Variants in ARHGAP17 observed in about 807,000 individuals in gnomAD.
The protein encoded by ARHGAP17 is rho GTPase-activating protein 17.
In ARHGAP17, 57 loss-of-function variants were observed where a neutral mutation model predicts 99.5. The observed-to-expected ratio is 0.57, with a 90% confidence interval of 0.46 to 0.71. The LOEUF (loss-of-function observed/expected upper bound fraction) is 0.71, where lower values mean the gene tolerates loss of function less well. ARHGAP17 is among the 30% of genes least tolerant of loss of function. ARHGAP17 has a pLI of 0.00. For synonymous variants in ARHGAP17, 417 were observed against 429.6 expected (o/e 0.97, Z 0.36); for missense variants, 1,000 against 1,122.4 (o/e 0.89, Z 1.56).
At chr16:24,989,191 T>C (rs1348659211) in intron 1 of ARHGAP17, among the ~76,000 whole-genome samples, 1 of 152,194 alleles carries the variant, frequency 6.6e-6, no homozygotes, top group Non-Finnish European at 1.5e-5. Context: ...GACTCAGTGC[T>C]GTGACTGATG....
chr16:25,011,853 G>C (rs1255684163), intron 1 of ARHGAP17, among the ~76,000 whole-genome samples: 1 of 152,024 alleles, frequency 6.6e-6, no homozygotes, highest in Non-Finnish European at 1.5e-5. Context: ...ATCAATACAA[G>C]AGATATTTGA....
In ARHGAP17 at chr16:24,947,500, A is replaced by G; in HGVS notation, c.1223T>C (p.Leu408Ser). 6.2e-7 allele frequency: 1 copy of G among 1,613,608 alleles called. No homozygotes were observed. Among genetic ancestry groups the G allele is most frequent in the Middle Eastern group, 1.6e-4 (1 of 6,062 alleles). The change falls in exon 14 of 20, where the codon TTA becomes TCA. Residue 408 changes from leucine (L) to serine (S), a missense_variant. This residue lies in a region of ARHGAP17 where 472 missense variants were observed against 611.1 expected (regional missense o/e 0.77). Coordinates refer to ENST00000289968, the MANE Select transcript of ARHGAP17 (RefSeq NM_001006634.3). ...GACTTACCCTTCATTTCTGGCCCAT[A>G]ACAAGTTAGGGCCTAACACAATCGC... is the stretch of plus-strand genomic sequence containing the variant. ...NIAIVLGPNL[L>S]WARNEGTLAE...
At chr16:24,951,260 CTGCCAATTACT>C (rs1280344638) in intron 12 of ARHGAP17, among the ~76,000 whole-genome samples, 1 of 152,192 alleles carries the variant, frequency 6.6e-6, no homozygotes, top group Non-Finnish European at 1.5e-5. Flanking sequence ...AATTCTAGCT[CTGCCAATTACT>C]TGCTACTCTC....
rs2051934839 is a variant in ARHGAP17, at chr16:24,959,949, T to A, written c.604A>T (p.Met202Leu). 1 of 1,614,026 alleles carries A rather than the reference T, an allele frequency of 6.2e-7. No homozygotes were observed. Among genetic ancestry groups the A allele is most frequent in the Non-Finnish European group, 8.5e-7 (1 of 1,179,888 alleles). Reference protein sequence around the residue: ...DQLAADMYNFMAKEGEYGKFF... With the variant: ...DQLAADMYNFLAKEGEYGKFF... ...TTGCCATACTCCCCTTCTTTGGCCA[T>A]AAAGTTGTACATGTCTGCTGCAAGT... Residue 202 changes from methionine to leucine, a missense_variant, in exon 8 of 20, where the codon ATG becomes TTG. Physicochemically the swap from Met to Leu is conservative, Grantham distance 15. This residue lies in a region of ARHGAP17 where 472 missense variants were observed against 611.1 expected (regional missense o/e 0.77). Transcript: ENST00000289968.
chr16:24,940,156 T>C (rs1448020977), intron 16 of ARHGAP17, among the ~76,000 whole-genome samples: 1 of 152,182 alleles, frequency 6.6e-6, no homozygotes, highest in Non-Finnish European at 1.5e-5. Flanking sequence ...ACTCCTGGCC[T>C]CAAGTATTCC....
In ARHGAP17 at chr16:24,954,681, C is replaced by G; in HGVS notation, c.774G>C (p.Leu258=). Residue 258 remains leucine (L), a synonymous_variant, in exon 10 of 20, where the codon CTG becomes CTC. Coordinates refer to ENST00000289968, the MANE Select transcript of ARHGAP17 (RefSeq NM_001006634.3). ...PAFGTPLEEH[L]KRSGREIALP... is the part of the protein sequence containing the mutation. ...GCGCAATCTCGCGCCCGCTCCTCTT[C>G]AGGTGTTCTTCTAGGGGAGTCCCAA... 6.2e-7 allele frequency: 1 copy of G among 1,614,128 alleles called. No homozygotes were observed. Among genetic ancestry groups the G allele is most frequent in the Non-Finnish European group, 8.5e-7 (1 of 1,179,990 alleles).
intron 3 of ARHGAP17, among the ~76,000 whole-genome samples, chr16:24,971,656 C>A (rs748221): frequency 0.31 from 47,657 of 152,074 alleles, 7,702 homozygotes; most frequent in East Asian, 0.5. Flanking sequence ...GGCTATCATT[C>A]TAAAATGTAG....
intron 16 of ARHGAP17, 110 bp downstream of exon 16, chr16:24,941,877 A>G: frequency 6.9e-7 from 1 of 1,453,982 alleles, no homozygotes; most frequent in Non-Finnish European, 9.5e-7. Context: ...ACCATCAGTC[A>G]TGGGTGGATG....
At chr16:24,983,909 G>C (rs1211662967) in intron 1 of ARHGAP17, among the ~76,000 whole-genome samples, 1 of 152,166 alleles carries the variant, frequency 6.6e-6, no homozygotes, top group Admixed American at 6.5e-5. Flanking sequence ...AATTCTCAAA[G>C]CAGCAGTGCT....
Position 24,977,269 on chromosome 16 carries a change from C to T in ARHGAP17, c.144G>A (p.Lys48=). The change falls in exon 3 of 20, where the codon AAG becomes AAA. Residue 48 remains lysine, a synonymous_variant. Transcript: ENST00000289968. ...TVRSICHHSH[K]RLVACFQGQH... ...GGCCCTGGAAACATGCCACCAAGCG[C>T]TTATGGGAATGGTGGCATATTGACC... 1 of 1,597,618 alleles carries T rather than the reference C, an allele frequency of 6.3e-7. No individual in the cohort carries two copies. Among genetic ancestry groups the T allele is most frequent in the Non-Finnish European group, 8.6e-7 (1 of 1,168,860 alleles).
chr16:24,991,495 A>G (rs995181274), intron 1 of ARHGAP17, among the ~76,000 whole-genome samples: 3 of 152,228 alleles, frequency 2.0e-5, no homozygotes, highest in African/African-American at 4.8e-5. Context: ...AAAGCTAGTC[A>G]GAGTTAGAGC....
intron 1 of ARHGAP17, among the ~76,000 whole-genome samples, chr16:24,984,778 T>C (rs1010155629): frequency 2.6e-5 from 4 of 151,984 alleles, no homozygotes; most frequent in Non-Finnish European, 5.9e-5. Context: ...AAAGCAGCCA[T>C]AGGTGTATAG....
chr16:24,938,295 C>G (rs752568784), intron 17 of ARHGAP17, among the ~76,000 whole-genome samples: 1 of 151,622 alleles, frequency 6.6e-6, no homozygotes, highest in Non-Finnish European at 1.5e-5. Context: ...ACCCGGGAGA[C>G]GGAGGTTGCA....
In ARHGAP17 at chr16:24,925,260, T is replaced by A. The variant is rs536695810; in HGVS notation, c.2516-5000A>T. ...CAGGTGTTGCCACACCTGCCTATAA[T>A]CCCAGCTACTTGGGAGGCTGAGGCA... On this transcript the variant is annotated intron_variant, in intron 19 of 19. Transcript: ENST00000289968. Among the ~76,000 whole-genome samples, 5 of 152,220 alleles carry A rather than the reference T, an allele frequency of 3.3e-5. No homozygotes were observed. In the East Asian group the frequency reaches 9.6e-4, roughly 29 times the overall value.
At chr16:24,967,310 G>C (rs2052216769) in intron 6 of ARHGAP17, among the ~76,000 whole-genome samples, 1 of 152,204 alleles carries the variant, frequency 6.6e-6, no homozygotes, top group African/African-American at 2.4e-5. Context: ...GCCTACAGCT[G>C]CCTTTATGCT....
chr16:24,943,291 T>C (rs921440109), intron 15 of ARHGAP17, among the ~76,000 whole-genome samples: 1 of 152,190 alleles, frequency 6.6e-6, no homozygotes, highest in Non-Finnish European at 1.5e-5. Flanking sequence ...AAATCCATAA[T>C]CTAGCTAGAG....
At chr16:25,011,165 A>G (rs919513319) in intron 1 of ARHGAP17, among the ~76,000 whole-genome samples, 4 of 152,188 alleles carry the variant, frequency 2.6e-5, no homozygotes, top group African/African-American at 9.7e-5. Flanking sequence ...CTCTCTTTTT[A>G]GCAGGGCTAC....
intron 1 of ARHGAP17, among the ~76,000 whole-genome samples, chr16:25,012,017 G>A (rs1453033540): frequency 1.3e-5 from 2 of 151,868 alleles, no homozygotes; most frequent in African/African-American, 4.8e-5. Context: ...ATTATTTTTT[G>A]CCTGCCTACC....
chr16:24,987,862 G>GA (rs762473627), intron 1 of ARHGAP17, among the ~76,000 whole-genome samples: 1 of 152,224 alleles, frequency 6.6e-6, no homozygotes, highest in Non-Finnish European at 1.5e-5. Flanking sequence ...GGAAATATCT[G>GA]ACGCATTTTT....
Sources: allele counts gnomAD v4.1 joint callset (sites outside exome capture counted in the v4.1 genomes callset), GRCh38; gene constraint gnomAD v4.1.1; regional missense constraint gnomAD v4.1.1; transcripts MANE v1.5; gene names NCBI Gene and HGNC (gene_info 2026-07-23, HGNC 2026-07-21).